The following DEPDC7 variants were observed in gnomAD, a reference collection of about 807,000 sequenced individuals.
The protein encoded by DEPDC7 is DEP domain containing 7.
Under a neutral mutation model 56.6 loss-of-function variants are expected in DEPDC7, and 41 were observed. That is an observed-to-expected ratio of 0.72 (90% confidence interval 0.56 to 0.94). The LOEUF (loss-of-function observed/expected upper bound fraction) is 0.94, where lower values mean the gene tolerates loss of function less well. Ranked by LOEUF, DEPDC7 falls within the 40% of genes least tolerant of loss-of-function variation. DEPDC7 has a pLI of 0.00. For synonymous variants in DEPDC7, 185 were observed against 208.8 expected, an observed-to-expected ratio of 0.89 and a Z score of 0.98; for missense variants, 522 against 596.3, an observed-to-expected ratio of 0.88 and a Z score of 1.30.
chr11:33,027,755 G>C lies in DEPDC7; in HGVS notation c.534G>C (p.Leu178=). Residue 178 remains leucine, a synonymous_variant, in exon 3 of 9, where the codon CTG becomes CTC. Transcript: ENST00000241051. The part of the protein sequence containing the change: ...SASLEDLWEN[L]SLKPANSPHV... ...GTTTAGAGGACCTGTGGGAAAATCT[G>C]AGTTTAAAGCCTGCCAACTCCCCTC... 1.9e-6 allele frequency: 3 copies of C among 1,577,982 alleles called. No individual in the cohort carries two copies. The highest frequency in any genetic ancestry group is 2.6e-6 in the Non-Finnish European group (3 of 1,166,710).
At chr11:33,032,641 T>C (rs992819666) in intron 6 of DEPDC7, 27 bp from the exon 7 acceptor site, 3 of 1,479,862 alleles carry the variant, frequency 2.0e-6, no homozygotes, top group Non-Finnish European at 1.8e-6. Flanking sequence ...ATATATACTA[T>C]TGGATATATT....
intron 1 of DEPDC7, among the ~76,000 whole-genome samples, chr11:33,019,160 C>T (rs1471023904): frequency 1.3e-5 from 2 of 152,266 alleles, no homozygotes; most frequent in South Asian, 2.1e-4. Context: ...GAACAGTATT[C>T]AGTCAACCCA....
chr11:33,031,740 G>A, intron 5 of DEPDC7, 151 bp downstream of exon 5: 1 of 679,304 alleles, frequency 1.5e-6, no homozygotes, highest in Non-Finnish European at 2.4e-6. Context: ...AACTTCTAGG[G>A]GTCATTTGGA....
In DEPDC7 at chr11:33,028,800, G is replaced by A. The variant is rs761524766; in HGVS notation, c.782+8G>A. 3.2e-6 allele frequency: 5 copies of A among 1,581,316 alleles called. No individual in the cohort carries two copies. The highest frequency in any genetic ancestry group is 1.9e-5 in the Admixed American group (1 of 52,380). ...GGCTTATAGTGACTCTCAGTATGTGGAAATACATATAATAATTTGAGTGTG... is the reference window on the plus strand; with the variant it reads ...GGCTTATAGTGACTCTCAGTATGTGAAAATACATATAATAATTTGAGTGTG... On this transcript the variant is annotated splice_region_variant and intron_variant, in intron 4 of 8. Transcript: ENST00000241051.
intron 1 of DEPDC7, among the ~76,000 whole-genome samples, chr11:33,023,963 A>C (rs184323012): frequency 3.0e-4 from 45 of 152,328 alleles, no homozygotes; most frequent in Non-Finnish European, 4.4e-4. Context: ...AAATATCTAA[A>C]AATAAAGGAA....
chr11:33,023,084 C>T (rs867506465), intron 1 of DEPDC7, among the ~76,000 whole-genome samples: 47 of 151,870 alleles, frequency 3.1e-4, no homozygotes, highest in Non-Finnish European at 1.3e-4. Flanking sequence ...AAAAAATTAG[C>T]CGGGCGTGGT....
Position 33,027,701 on chromosome 11 carries a change from A to T in DEPDC7, c.480A>T (p.Leu160Phe), listed in dbSNP as rs1312801561. 6.5e-7 allele frequency: 1 copy of T among 1,536,776 alleles called. No individual in the cohort carries two copies. The highest frequency in any genetic ancestry group is 2.5e-5 in the East Asian group (1 of 40,772). ...TTCATTTTAGGTATGCAGATGCATT[A>T]TTTAAGTCATCCGATATCAGATCAG... The part of the protein sequence containing the change: ...LYSPARYADA[L>F]FKSSDIRSAS... Residue 160 changes from leucine to phenylalanine, a missense_variant, in exon 3 of 9, where the codon TTA becomes TTT. Coordinates refer to ENST00000241051, the MANE Select transcript of DEPDC7 (RefSeq NM_001077242.2).
At chr11:33,023,177 C>T (rs12269825) in intron 1 of DEPDC7, among the ~76,000 whole-genome samples, 5,458 of 151,330 alleles carry the variant, frequency 0.036, 336 homozygotes, top group African/African-American at 0.13. Flanking sequence ...TTGCAGTGAG[C>T]CGAGATCACG....
At chr11:33,024,772 G>A (rs1222837122) in intron 1 of DEPDC7, among the ~76,000 whole-genome samples, 1 of 149,066 alleles carries the variant, frequency 6.7e-6, no homozygotes, top group Non-Finnish European at 1.5e-5. Context: ...GTCCATCGTT[G>A]ACAGAAATGT....
intron 2 of DEPDC7, 73 bp downstream of exon 2, chr11:33,026,122 G>C (rs1211413088): frequency 6.6e-7 from 1 of 1,521,634 alleles, no homozygotes; most frequent in South Asian, 1.1e-5. Context: ...GATGCCTACT[G>C]GCTTTATATT....
intron 1 of DEPDC7, among the ~76,000 whole-genome samples, chr11:33,021,650 G>A (rs1853525681): frequency 1.3e-5 from 2 of 152,208 alleles, no homozygotes; most frequent in African/African-American, 4.8e-5. Flanking sequence ...GTATGAACAT[G>A]AGCTAGTTTG....
chr11:33,024,752 G>A (rs1385065554), intron 1 of DEPDC7, among the ~76,000 whole-genome samples: 1 of 150,700 alleles, frequency 6.6e-6, no homozygotes, highest in East Asian at 2.0e-4. Context: ...TAGGACCACT[G>A]TTATATGTGG....
rs1264362583 is a variant in DEPDC7 at position 33,015,923 on chromosome 11, G to A, written c.-33G>A. 2.6e-6 allele frequency: 4 copies of A among 1,551,500 alleles called. No homozygotes were observed. In the African/African-American group the frequency reaches 4.2e-5, roughly 16 times the overall value. ...CAGGGAGCTAGGGAGCTGTGAAGCT[G>A]CTGGAGGAGTTGGCGTCCGGGGAGC... On this transcript the variant is annotated 5_prime_UTR_variant, in exon 1 of 9. Transcript: ENST00000241051.
chr11:33,026,219 G>T, intron 2 of DEPDC7, 170 bp downstream of exon 2: 1 of 662,078 alleles, frequency 1.5e-6, no homozygotes, highest in South Asian at 1.8e-5. Flanking sequence ...TTTATTGGGT[G>T]TCTCCTAGTC....
chr11:33,027,431 C>T (rs979997815), intron 2 of DEPDC7, among the ~76,000 whole-genome samples: 2 of 152,086 alleles, frequency 1.3e-5, no homozygotes, highest in Non-Finnish European at 2.9e-5. Context: ...TATGTTTGAT[C>T]GCATTTTTAA....
At chr11:33,022,690 A>G (rs1245487617) in intron 1 of DEPDC7, among the ~76,000 whole-genome samples, 1 of 152,208 alleles carries the variant, frequency 6.6e-6, no homozygotes, top group Non-Finnish European at 1.5e-5. Flanking sequence ...GTGGCTGGAA[A>G]TAGTACAACT....
Position 33,031,679 on chromosome 11 carries a change from A to C in DEPDC7, c.994+90A>C, listed in dbSNP as rs923951969. Reference sequence around the variant, plus strand: ...CAAACTGAACCAGAATAGTACTACTACAAGCTGGGAGTGGATCTGGATTAA... The same window carrying C: ...CAAACTGAACCAGAATAGTACTACTCCAAGCTGGGAGTGGATCTGGATTAA... On this transcript the variant is annotated intron_variant, in intron 5 of 8. Transcript: ENST00000241051. 3 of 1,007,616 alleles carry C rather than the reference A, an allele frequency of 3.0e-6. No homozygotes were observed. The African/African-American group carries it at 4.8e-5, about 16-fold the overall frequency. The allele number at this position is 1,007,616 out of a possible 1,614,324, so 62.4% of individuals were successfully genotyped here.
rs79223825 is a variant in DEPDC7, at chr11:33,016,622, G to A, written c.73+594G>A. 6.2e-3 allele frequency: 9,913 copies of A among 1,595,586 alleles called. 66 individuals are homozygous for A. The highest frequency in any genetic ancestry group is 0.025 in the Middle Eastern group (152 of 5,962). On this transcript the variant is annotated intron_variant, in intron 1 of 8. Transcript: ENST00000241051. ...CACTTTATGTATAAGCAGTATTTTA[G>A]TGAATAGAAGTTTTTGGCTAAAAAA...
At chr11:33,016,817 TA>T (rs777964375) in intron 1 of DEPDC7, among the ~76,000 whole-genome samples, 6 of 152,212 alleles carry the variant, frequency 3.9e-5, no homozygotes, top group Non-Finnish European at 8.8e-5. Flanking sequence ...ACCCAGTTAA[TA>T]GGGGTGACTC....
Sources: gnomAD v4.1 joint callset for allele counts (sites outside exome capture counted in the v4.1 genomes callset) on GRCh38, gnomAD v4.1.1 for gene constraint, MANE v1.5 for transcripts, NCBI Gene and HGNC (gene_info 2026-07-23, HGNC 2026-07-21) for gene names.